ZFAND3: variants seen among roughly 807,000 people sequenced by gnomAD.
ZFAND3 encodes the protein AN1-type zinc finger protein 3.
Under a neutral mutation model 29.6 loss-of-function variants are expected in ZFAND3, and 10 were observed. The observed-to-expected ratio is 0.34, with a 90% confidence interval of 0.21 to 0.57. ZFAND3 has a LOEUF of 0.57. ZFAND3 is among the 20% of genes least tolerant of loss of function. The pLI, the probability that ZFAND3 is intolerant of heterozygous loss-of-function variation, is 0.86. For missense variants in ZFAND3, 230 were observed against 304.5 expected (o/e 0.76, Z 1.82); for synonymous variants, 128 against 112.6 (o/e 1.14, Z -0.87).
chr6:37,835,935 G>A (rs1763959710), intron 1 of ZFAND3, among the ~76,000 whole-genome samples: 1 of 152,126 alleles, frequency 6.6e-6, no homozygotes, highest in Non-Finnish European at 1.5e-5. Flanking sequence ...GTTCCTTCTT[G>A]ATGAGTATTA....
intron 2 of ZFAND3, among the ~76,000 whole-genome samples, chr6:37,976,398 A>C (rs546215867): frequency 6.6e-6 from 1 of 152,048 alleles, no homozygotes; most frequent in African/African-American, 2.4e-5. Flanking sequence ...ACTGACCAAC[A>C]TGGTGAAACC....
At chr6:37,871,551 A>G (rs1041675265) in intron 1 of ZFAND3, among the ~76,000 whole-genome samples, 4 of 152,220 alleles carry the variant, frequency 2.6e-5, no homozygotes, top group African/African-American at 9.6e-5. Flanking sequence ...AATTTACATA[A>G]GGTTTATAAA....
intron 1 of ZFAND3, among the ~76,000 whole-genome samples, chr6:37,855,727 G>T (rs1764370010): frequency 1.3e-5 from 2 of 152,104 alleles, no homozygotes; most frequent in South Asian, 2.1e-4. Flanking sequence ...TGAAATCTAG[G>T]TTCCATTTTG....
chr6:38,073,337 A>G (rs11751153), intron 3 of ZFAND3, among the ~76,000 whole-genome samples: 9,975 of 117,574 alleles, frequency 0.085, 378 homozygotes, highest in Non-Finnish European at 0.11. Context: ...ACTATGTTTG[A>G]AAAAAAAAAA....
intron 3 of ZFAND3, 125 bp from the exon 4 acceptor site, chr6:38,082,267 A>C: frequency 1.2e-6 from 1 of 806,576 alleles, no homozygotes; most frequent in Non-Finnish European, 1.9e-6. Context: ...CTTTCCTACT[A>C]CTTCTCCTCG....
At chr6:37,897,263 GT>G (rs1428440053) in intron 1 of ZFAND3, among the ~76,000 whole-genome samples, 6 of 152,080 alleles carry the variant, frequency 3.9e-5, no homozygotes, top group African/African-American at 1.4e-4. Flanking sequence ...AGTTTTATCT[GT>G]TTTAAACATC....
At chr6:38,106,975 C>G (rs781721121) in intron 4 of ZFAND3, among the ~76,000 whole-genome samples, 2 of 152,060 alleles carry the variant, frequency 1.3e-5, no homozygotes, top group African/African-American at 4.8e-5. Context: ...CATTCCTGGG[C>G]TTTTCTTTAT....
chr6:37,844,920 A>G (rs147912869), intron 1 of ZFAND3, among the ~76,000 whole-genome samples: 9,096 of 150,152 alleles, frequency 0.061, 335 homozygotes, highest in Non-Finnish European at 0.085. Context: ...GCTACATGGG[A>G]GGCTGAGGCA....
At chr6:37,876,164 T>C (rs1036571209) in intron 1 of ZFAND3, among the ~76,000 whole-genome samples, 5 of 152,230 alleles carry the variant, frequency 3.3e-5, no homozygotes, top group Admixed American at 6.5e-5. Context: ...GGAAATTGGT[T>C]ATTTTAAATT....
intron 1 of ZFAND3, among the ~76,000 whole-genome samples, chr6:37,861,685 C>CA (rs1220777874): frequency 1.3e-5 from 2 of 152,170 alleles, no homozygotes; most frequent in Non-Finnish European, 2.9e-5. Context: ...TATCTGGCTG[C>CA]AAATAAGTCT....
intron 2 of ZFAND3, among the ~76,000 whole-genome samples, chr6:38,017,429 G>A (rs553857476): frequency 1.3e-5 from 2 of 152,156 alleles, no homozygotes; most frequent in Non-Finnish European, 2.9e-5. Flanking sequence ...TGTGCCCAGT[G>A]AGCCATGCAT....
At chr6:38,045,088 T>TTATTTATTTATTTATTTA (rs1169250994) in intron 2 of ZFAND3, among the ~76,000 whole-genome samples, 2 of 147,612 alleles carry the variant, frequency 1.4e-5, no homozygotes, top group East Asian at 5.1e-4. Flanking sequence ...ATTTATTTAT[T>TTATTTATTTATTTATTTA]TATTTATTTA....
At chr6:37,872,502 C>T (rs1764712645) in intron 1 of ZFAND3, among the ~76,000 whole-genome samples, 1 of 152,100 alleles carries the variant, frequency 6.6e-6, no homozygotes. Flanking sequence ...ATTACCAAAA[C>T]CTCAGAAACC....
chr6:38,137,943 C>G (rs1229496962), intron 5 of ZFAND3, among the ~76,000 whole-genome samples: 4 of 152,138 alleles, frequency 2.6e-5, no homozygotes, highest in Non-Finnish European at 5.9e-5. Context: ...TGCAAAGAAT[C>G]TGATTATTGT....
In ZFAND3 at chr6:38,152,240, G is replaced by A. The variant is rs140495556; in HGVS notation, c.535G>A (p.Val179Met). ...TGCTTCTCCCGCTGCTGCAGGTTAT[G>A]TGTTCTGTATGTTACATCGCCTCCC... ...QELGSCRCGY[V>M]FCMLHRLPEQ... The change falls in exon 6 of 6, where the codon GTG becomes ATG. Residue 179 changes from valine (V) to methionine (M), a missense_variant. By Grantham distance (21) the Val-to-Met change is conservative. Around this residue, in one of 2 missense-constraint regions of ZFAND3, gnomAD observed 50 missense variants for 102.0 expected, o/e 0.49. Transcript: ENST00000287218. The A allele has an allele frequency of 1.9e-5, 29 of 1,527,460 alleles. No homozygotes were observed. The Admixed American group carries it at 5.1e-4, about 27-fold the overall frequency. 94.6% of individuals were successfully genotyped at this position (1,527,460 alleles called of 1,614,324 possible).
chr6:37,993,818 T>C (rs34123707), intron 2 of ZFAND3, among the ~76,000 whole-genome samples: 12,276 of 152,286 alleles, frequency 0.081, 584 homozygotes, highest in African/African-American at 0.14. Context: ...GTGATAATGA[T>C]TGGCTTAAAT....
intron 5 of ZFAND3, 130 bp downstream of exon 5, chr6:38,116,869 G>C: frequency 1.7e-6 from 2 of 1,198,432 alleles, no homozygotes; most frequent in Non-Finnish European, 2.3e-6. Context: ...TAGTGCATGC[G>C]ATATAGGTTT....
chr6:38,079,104 C>T (rs189879368), intron 3 of ZFAND3, among the ~76,000 whole-genome samples: 53 of 152,262 alleles, frequency 3.5e-4, no homozygotes, highest in African/African-American at 1.2e-3. Flanking sequence ...GTGTGGATGA[C>T]AGCGCAATTA....
chr6:38,106,201 G>T (rs1193025329), intron 4 of ZFAND3, among the ~76,000 whole-genome samples: 4 of 151,732 alleles, frequency 2.6e-5, no homozygotes, highest in South Asian at 2.1e-4. Flanking sequence ...GCCCAGTCTG[G>T]AGTGCAATGG....
Sources: gnomAD v4.1 joint callset for allele counts (sites outside exome capture counted in the v4.1 genomes callset) on GRCh38, gnomAD v4.1.1 for gene constraint, gnomAD v4.1.1 regional missense constraint, MANE v1.5 for transcripts, NCBI Gene and HGNC (gene_info 2026-07-23, HGNC 2026-07-21) for gene names.